The following SLC44A1 variants were observed in gnomAD, a reference collection of about 807,000 sequenced individuals.
SLC44A1 encodes choline transporter-like protein 1.
SLC44A1 carries 26 observed loss-of-function variants against 79.3 expected under a neutral mutation model. The ratio of observed to expected loss-of-function variants is 0.33; its 90% CI spans 0.24 to 0.46. The LOEUF is 0.46. Among genes scored for constraint, SLC44A1 ranks in the 20% least tolerant of loss-of-function variants. SLC44A1 has a pLI of 1.00. For synonymous variants in SLC44A1, 263 were observed against 286.2 expected, an observed-to-expected ratio of 0.92 and a Z score of 0.82; for missense variants, 688 against 798.1, an observed-to-expected ratio of 0.86 and a Z score of 1.66.
intron 9 of SLC44A1, among the ~76,000 whole-genome samples, chr9:105,363,993 C>T (rs778910215): frequency 1.8e-4 from 28 of 152,084 alleles, no homozygotes; most frequent in Non-Finnish European, 3.2e-4. Context: ...TTTCTGGTTT[C>T]GAAATGATCT....
At chr9:105,260,382 T>C (rs1266044613) in intron 1 of SLC44A1, among the ~76,000 whole-genome samples, 2 of 152,190 alleles carry the variant, frequency 1.3e-5, no homozygotes, top group African/African-American at 4.8e-5. Flanking sequence ...ACACTTTGAG[T>C]AACACTGCTT....
intron 3 of SLC44A1, 38 bp downstream of exon 3, chr9:105,309,904 T>C: frequency 6.3e-7 from 1 of 1,593,244 alleles, no homozygotes; most frequent in African/African-American, 1.3e-5. Flanking sequence ...CATGGAAACT[T>C]TGAAAGAGGC....
At chr9:105,269,095 A>G (rs187066682) in intron 1 of SLC44A1, among the ~76,000 whole-genome samples, 4 of 152,190 alleles carry the variant, frequency 2.6e-5, no homozygotes, top group South Asian at 2.1e-4. Flanking sequence ...TTTATTATCC[A>G]GTGTATGTGC....
At chr9:105,381,569 G>C (rs946560535) in intron 13 of SLC44A1, among the ~76,000 whole-genome samples, 1 of 149,138 alleles carries the variant, frequency 6.7e-6, no homozygotes, top group East Asian at 2.0e-4. Context: ...AGAAGAAAAA[G>C]AAAAGAAAAT....
downstream of SLC44A1, among the ~76,000 whole-genome samples, chr9:105,400,169 C>T (rs149262975): frequency 1.2e-4 from 18 of 147,496 alleles, no homozygotes; most frequent in South Asian, 4.3e-4. Flanking sequence ...CACTGCAGCC[C>T]GGGCAGCAAG....
At chr9:105,432,626 G>A (rs1237383871) in intron 15 of SLC44A1, among the ~76,000 whole-genome samples, 1 of 152,184 alleles carries the variant, frequency 6.6e-6, no homozygotes, top group Non-Finnish European at 1.5e-5. Context: ...GTTTACTGGT[G>A]CCAGAGATCC....
At chr9:105,334,181 T>C (rs561266842) in intron 3 of SLC44A1, among the ~76,000 whole-genome samples, 2 of 152,122 alleles carry the variant, frequency 1.3e-5, no homozygotes, top group Non-Finnish European at 2.9e-5. Flanking sequence ...TTTCTTTCCT[T>C]CTATCTGCAT....
At chr9:105,278,510 A>G (rs1271169341) in intron 1 of SLC44A1, among the ~76,000 whole-genome samples, 1 of 152,132 alleles carries the variant, frequency 6.6e-6, no homozygotes, top group Non-Finnish European at 1.5e-5. Flanking sequence ...GGCCTCCCGA[A>G]GTGCTGGGAT....
rs763522747 is a variant in SLC44A1 at position 105,365,668 on chromosome 9, C to G, written c.1410+29C>G. ...AGGGGAAAATGCATTTCTGTACTTTCTGTGGGCACATTCCAGACCTCAGTT... is the reference window on the plus strand; with the variant it reads ...AGGGGAAAATGCATTTCTGTACTTTGTGTGGGCACATTCCAGACCTCAGTT... On this transcript the variant is annotated intron_variant, in intron 11 of 15. Coordinates refer to ENST00000374720, the MANE Select transcript of SLC44A1 (RefSeq NM_080546.5). The G allele has an allele frequency of 1.9e-6, 3 of 1,597,814 alleles. No individual in the cohort carries two copies. The East Asian group carries it at 6.7e-5, about 36-fold the overall frequency.
chr9:105,294,643 A>AG (rs1203582230), intron 1 of SLC44A1: 1 of 151,990 alleles, frequency 6.6e-6, no homozygotes, highest in African/African-American at 2.4e-5. Context: ...TAATAGGTGT[A>AG]GGGGGTGTGT....
intron 1 of SLC44A1, among the ~76,000 whole-genome samples, chr9:105,245,362 C>A (rs1421347639): frequency 6.6e-6 from 1 of 152,242 alleles, no homozygotes; most frequent in Non-Finnish European, 1.5e-5. Flanking sequence ...CCAGCAAGAG[C>A]TCTTCACCTC....
At chr9:105,387,190 T>A (rs896529293) in intron 15 of SLC44A1, among the ~76,000 whole-genome samples, 1 of 151,060 alleles carries the variant, frequency 6.6e-6, no homozygotes. Flanking sequence ...AGTTAAAGCC[T>A]CAATAAAATA....
Position 105,366,359 on chromosome 9 carries a change from C to T in SLC44A1, c.1424C>T (p.Ala475Val), listed in dbSNP as rs1165553363. ...TCCCCCATCCAGGAAAATGCTTGTG[C>T]ACGATGTGTGCTGAAATCTTGCATT... The part of the protein sequence containing the change: ...SQLKGKENAC[A>V]RCVLKSCICC... Residue 475 changes from alanine (A) to valine (V), a missense_variant, in exon 12 of 16, where the codon GCA becomes GTA. Ala to Val is a moderately conservative substitution (Grantham distance 64, BLOSUM62 0). Transcript: ENST00000374720. The T allele has an allele frequency of 3.3e-6, 5 of 1,508,298 alleles. No homozygotes were observed. The highest frequency in any genetic ancestry group is 3.5e-6 in the Non-Finnish European group (4 of 1,128,342). 93.4% of individuals were successfully genotyped at this position (1,508,298 alleles called of 1,614,324 possible).
At chr9:105,323,123 G>A (rs1826449399) in intron 3 of SLC44A1, among the ~76,000 whole-genome samples, 1 of 149,620 alleles carries the variant, frequency 6.7e-6, no homozygotes, top group African/African-American at 2.5e-5. Flanking sequence ...GGCTGAGACA[G>A]GAGAATTGCT....
At chr9:105,278,848 G>C (rs138409619) in intron 1 of SLC44A1, among the ~76,000 whole-genome samples, 1 of 152,070 alleles carries the variant, frequency 6.6e-6, no homozygotes, top group Non-Finnish European at 1.5e-5. Context: ...TATTGCCAAG[G>C]CTTTCTCTTT....
chr9:105,263,623 C>T (rs756713226), intron 1 of SLC44A1, among the ~76,000 whole-genome samples: 22 of 151,450 alleles, frequency 1.5e-4, no homozygotes, highest in Middle Eastern at 3.2e-3. Flanking sequence ...TCAACGTCCA[C>T]CTCCCGGGTT....
rs1394381385 is a variant in SLC44A1, at chr9:105,383,377, C to T, written c.1869+18C>T. The stretch of plus-strand genomic sequence containing the variant: ...TGCTGATGGTAAGTACTTCAAATGC[C>T]GTTTCCTATTTTAGGGATAAAAATA... On this transcript the variant is annotated intron_variant, in intron 14 of 15. Transcript: ENST00000374720. The T allele has an allele frequency of 7.3e-6, 10 of 1,371,018 alleles. No homozygotes were observed. Among genetic ancestry groups the T allele is most frequent in the Middle Eastern group, 1.8e-4 (1 of 5,580 alleles). The allele number at this position is 1,371,018 out of a possible 1,614,324, so 84.9% of individuals were successfully genotyped here.
chr9:105,361,538 C>G (rs551983589), intron 8 of SLC44A1, among the ~76,000 whole-genome samples: 1 of 152,076 alleles, frequency 6.6e-6, no homozygotes, highest in Non-Finnish European at 1.5e-5. Context: ...TTTTTTCTAC[C>G]CTGTCTGCTT....
intron 15 of SLC44A1, among the ~76,000 whole-genome samples, chr9:105,405,767 G>C (rs911832093): frequency 6.6e-6 from 1 of 152,162 alleles, no homozygotes; most frequent in Non-Finnish European, 1.5e-5. Flanking sequence ...GATCTCCCAA[G>C]TGACATTTGT....
Sources: gnomAD v4.1 joint callset for allele counts (sites outside exome capture counted in the v4.1 genomes callset) on GRCh38, gnomAD v4.1.1 for gene constraint, MANE v1.5 for transcripts, NCBI Gene and HGNC (gene_info 2026-07-23, HGNC 2026-07-21) for gene names.